BNC2: variants seen among roughly 807,000 people sequenced by gnomAD.
BNC2 encodes the protein zinc finger protein basonuclin-2.
In BNC2, 20 loss-of-function variants were observed where a neutral mutation model predicts 76.3. The ratio of observed to expected loss-of-function variants is 0.26; its 90% CI spans 0.18 to 0.38. The LOEUF is 0.38. BNC2 is among the 10% of genes least tolerant of loss of function. The pLI, the probability that BNC2 is intolerant of heterozygous loss-of-function variation, is 1.00. For missense variants in BNC2, 1,382 were observed against 1,399.8 expected, an observed-to-expected ratio of 0.99 and a Z score of 0.20; for synonymous variants, 582 against 514.8, an observed-to-expected ratio of 1.13 and a Z score of -1.77.
chr9:16,828,183 G>C (rs1284417109), intron 1 of BNC2, among the ~76,000 whole-genome samples: 1 of 152,102 alleles, frequency 6.6e-6, no homozygotes, highest in Non-Finnish European at 1.5e-5. Context: ...AAATGGAGTA[G>C]CTTAATCAAA....
intron 1 of BNC2, among the ~76,000 whole-genome samples, chr9:16,749,268 G>A (rs1420763565): frequency 6.6e-6 from 1 of 152,128 alleles, no homozygotes; most frequent in East Asian, 1.9e-4. Flanking sequence ...TCTTACAAAA[G>A]TAGAAGTCTA....
chr9:16,761,572 A>T (rs547690185), intron 1 of BNC2, among the ~76,000 whole-genome samples: 1 of 152,318 alleles, frequency 6.6e-6, no homozygotes, highest in South Asian at 2.1e-4. Context: ...TTGCGGGGAG[A>T]GGGAGTCAGA....
chr9:16,695,535 CTTTTT>C (rs35589107), intron 3 of BNC2, among the ~76,000 whole-genome samples: 20 of 127,006 alleles, frequency 1.6e-4, no homozygotes, highest in Non-Finnish European at 2.2e-4. Flanking sequence ...CTTTTTCTTT[CTTTTT>C]TTTTTTTTTT....
intron 3 of BNC2, among the ~76,000 whole-genome samples, chr9:16,706,090 G>C (rs781498201): frequency 1.8e-4 from 27 of 152,160 alleles, no homozygotes; most frequent in Non-Finnish European, 2.5e-4. Flanking sequence ...GTTTACAAAT[G>C]TTTTTATAAT....
chr9:16,412,371 G>A lies in BNC2; in HGVS notation c.*6618C>T, dbSNP rs1042956950. ...TGTGCGTAACCAGTTTACAACATGT[G>A]CACTTTTTGAAGGGGAAGAAAAATA... On this transcript the variant is annotated 3_prime_UTR_variant, in exon 7 of 7. Coordinates refer to ENST00000380672, the MANE Select transcript of BNC2 (RefSeq NM_017637.6). 20 of 152,586 alleles carry A rather than the reference G, an allele frequency of 1.3e-4. No individual in the cohort carries two copies. Among genetic ancestry groups the A allele is most frequent in the Admixed American group, 4.6e-4 (7 of 15,272 alleles). 9.5% of individuals were successfully genotyped at this position (152,586 alleles called of 1,614,324 possible).
chr9:16,559,881 C>T (rs983744973), intron 4 of BNC2, among the ~76,000 whole-genome samples: 4 of 152,238 alleles, frequency 2.6e-5, no homozygotes, highest in African/African-American at 4.8e-5. Flanking sequence ...GTGGCCTCCA[C>T]CTTCAAAAGC....
chr9:16,734,308 T>C (rs1328230968), intron 2 of BNC2, among the ~76,000 whole-genome samples: 4 of 152,224 alleles, frequency 2.6e-5, no homozygotes, highest in Non-Finnish European at 5.9e-5. Flanking sequence ...TATTGCTTAT[T>C]CTCTTAAAAA....
chr9:16,478,315 C>A (rs973903866), intron 5 of BNC2, among the ~76,000 whole-genome samples: 2 of 152,178 alleles, frequency 1.3e-5, no homozygotes, highest in African/African-American at 4.8e-5. Flanking sequence ...CCACCCTGGT[C>A]ATGAGTGGTG....
intron 1 of BNC2, among the ~76,000 whole-genome samples, chr9:16,866,929 T>C (rs904112095): frequency 6.6e-6 from 1 of 152,172 alleles, no homozygotes; most frequent in African/African-American, 2.4e-5. Flanking sequence ...CTGTTTCTTG[T>C]AAGGATGTAG....
chr9:16,686,814 A>G (rs750375017), intron 3 of BNC2, among the ~76,000 whole-genome samples: 5 of 152,214 alleles, frequency 3.3e-5, no homozygotes, highest in Non-Finnish European at 7.3e-5. Flanking sequence ...AAAGAAAAAT[A>G]AAAGGTACTC....
At chr9:16,494,628 A>G (rs923529198) in intron 5 of BNC2, among the ~76,000 whole-genome samples, 1 of 152,192 alleles carries the variant, frequency 6.6e-6, no homozygotes, top group African/African-American at 2.4e-5. Context: ...ACAGCGAAGA[A>G]GCCAGTGTGA....
intron 1 of BNC2, among the ~76,000 whole-genome samples, chr9:16,786,435 A>AG (rs1213422480): frequency 6.6e-6 from 1 of 151,998 alleles, no homozygotes; most frequent in Non-Finnish European, 1.5e-5. Flanking sequence ...GAAGAAACGG[A>AG]GGGAAAAAAA....
intron 3 of BNC2, among the ~76,000 whole-genome samples, chr9:16,624,274 C>T (rs375200938): frequency 5.9e-5 from 9 of 152,066 alleles, no homozygotes; most frequent in Admixed American, 3.9e-4. Flanking sequence ...AAACCGAAAA[C>T]CACCTTCACG....
At chr9:16,811,230 C>CAAAAAAAAAAAAAAAAAAAAAAAA (rs58068661) in intron 1 of BNC2, among the ~76,000 whole-genome samples, 8 of 97,530 alleles carry the variant, frequency 8.2e-5, no homozygotes, top group African/African-American at 3.0e-4. Flanking sequence ...CTCAAAAGAC[C>CAAAAAAAAAAAAAAAAAAAAAAAA]AAAAAAAAAA....
intron 1 of BNC2, among the ~76,000 whole-genome samples, chr9:16,746,283 G>A (rs1824999435): frequency 5.3e-5 from 8 of 152,058 alleles, no homozygotes; most frequent in Admixed American, 4.6e-4. Flanking sequence ...ACTTCATATT[G>A]GCCATGTTGA....
chr9:16,516,463 A>C (rs188953838), intron 5 of BNC2, among the ~76,000 whole-genome samples: 22 of 152,292 alleles, frequency 1.4e-4, no homozygotes, highest in African/African-American at 5.3e-4. Flanking sequence ...GAGACCTTCT[A>C]TACCAACTGA....
chr9:16,795,701 T>G (rs933909359), intron 1 of BNC2, among the ~76,000 whole-genome samples: 4 of 152,184 alleles, frequency 2.6e-5, no homozygotes, highest in African/African-American at 9.7e-5. Flanking sequence ...AGACACTTCA[T>G]GATTGTCATG....
chr9:16,609,111 T>C (rs16934855), intron 3 of BNC2, among the ~76,000 whole-genome samples: 14,867 of 152,172 alleles, frequency 0.098, 1,080 homozygotes, highest in African/African-American at 0.2. Flanking sequence ...CTAACTCTGA[T>C]CACTGATTGC....
At chr9:16,469,413 T>G (rs1821771537) in intron 5 of BNC2, among the ~76,000 whole-genome samples, 1 of 152,224 alleles carries the variant, frequency 6.6e-6, no homozygotes, top group African/African-American at 2.4e-5. Context: ...CTGCTTTTGC[T>G]TCTTCCTCAT....
Sources: gnomAD v4.1 joint callset for allele counts (sites outside exome capture counted in the v4.1 genomes callset) on GRCh38, gnomAD v4.1.1 for gene constraint, MANE v1.5 for transcripts, NCBI Gene and HGNC (gene_info 2026-07-23, HGNC 2026-07-21) for gene names.